The following EXOSC5 variants were observed in gnomAD, a reference collection of about 807,000 sequenced individuals.
EXOSC5 encodes exosome component 5.
EXOSC5 carries 15 observed loss-of-function variants against 23.7 expected under a neutral mutation model. That is an observed-to-expected ratio of 0.63 (90% CI 0.42 to 0.97). EXOSC5 has a LOEUF of 0.97. Ranked by LOEUF, EXOSC5 falls within the 50% of genes least tolerant of loss-of-function variation. EXOSC5 has a pLI of 0.00. For missense variants in EXOSC5, 305 were observed against 316.3 expected (o/e 0.96, Z 0.27); for synonymous variants, 143 against 140.9 (o/e 1.02, Z -0.11).
rs1380398179 is a variant in EXOSC5 at position 41,386,456 on chromosome 19, C to G, written c.*177G>C. ...TTATCCTTGCTGGGGGGATCTGTGC[C>G]CCCAGGCCTGGGGGCTGTCACAGGC... On this transcript the variant is annotated 3_prime_UTR_variant, in exon 6 of 6. Transcript: ENST00000221233. 9 of 573,026 alleles carry G rather than the reference C, an allele frequency of 1.6e-5. No individual in the cohort carries two copies. The highest frequency in any genetic ancestry group is 2.5e-5 in the Non-Finnish European group (8 of 321,762). 35.5% of individuals were successfully genotyped at this position (573,026 alleles called of 1,614,324 possible). A position where few individuals can be genotyped will look rare whatever the true frequency, so the allele number is the denominator to read the frequency against.
intron 2 of EXOSC5, 65 bp downstream of exon 2, chr19:41,392,802 G>A: frequency 6.8e-7 from 1 of 1,469,928 alleles, no homozygotes; most frequent in South Asian, 1.2e-5. Context: ...AGCTGGTAGG[G>A]AGGAGCTGGG....
chr19:41,395,180 G>A (rs112602983), intron 1 of EXOSC5, among the ~76,000 whole-genome samples: 4 of 152,194 alleles, frequency 2.6e-5, no homozygotes, highest in Non-Finnish European at 4.4e-5. Context: ...CAGCATAAGC[G>A]CTAAGCCTGA....
At chr19:41,396,004 T>C (rs2039059833) in intron 1 of EXOSC5, among the ~76,000 whole-genome samples, 1 of 152,114 alleles carries the variant, frequency 6.6e-6, no homozygotes, top group Non-Finnish European at 1.5e-5. Context: ...CAGAATCTCA[T>C]CACCTCCACT....
At chr19:41,388,174 G>A (rs1405333330) in intron 4 of EXOSC5, among the ~76,000 whole-genome samples, 1 of 152,232 alleles carries the variant, frequency 6.6e-6, no homozygotes, top group South Asian at 2.1e-4. Flanking sequence ...CCAACCACGT[G>A]GTTCTGACAG....
At position 41,387,505 on chromosome 19, in the gene EXOSC5, T is replaced by C; in HGVS notation, c.615+9A>G. The C allele has an allele frequency of 6.3e-7, 1 of 1,588,308 alleles. No homozygotes were observed. On this transcript the variant is annotated intron_variant, in intron 5 of 5. Transcript: ENST00000221233. ...GTTCTGGCTTTTCCCCTCATCCCCA[T>C]GCTGGTACCTCAGTGTCTGAGTAGA...
At chr19:41,389,042 T>C (rs76832120) in intron 4 of EXOSC5, among the ~76,000 whole-genome samples, 4,836 of 152,130 alleles carry the variant, frequency 0.032, 241 homozygotes, top group African/African-American at 0.11. Context: ...ACCCTCCAGG[T>C]TTAAGTGATT....
chr19:41,389,727 G>T, intron 4 of EXOSC5, 38 bp downstream of exon 4: 1 of 1,601,754 alleles, frequency 6.2e-7, no homozygotes, highest in African/African-American at 1.3e-5. Context: ...GCAGCTGTCT[G>T]GCCTCTGCCC....
chr19:41,391,791 G>A, intron 3 of EXOSC5, 50 bp downstream of exon 3: 2 of 1,470,600 alleles, frequency 1.4e-6, no homozygotes, highest in Non-Finnish European at 1.8e-6. Context: ...CCGCCAGGAG[G>A]GAAGCAATCA....
intron 1 of EXOSC5, among the ~76,000 whole-genome samples, chr19:41,394,204 C>T (rs1012252448): frequency 2.0e-5 from 3 of 151,674 alleles, no homozygotes; most frequent in African/African-American, 4.8e-5. Context: ...ATGGTGAAAC[C>T]CTATCTCTAC....
intron 1 of EXOSC5, among the ~76,000 whole-genome samples, chr19:41,396,278 C>T (rs1040104917): frequency 5.9e-5 from 9 of 151,922 alleles, no homozygotes; most frequent in Admixed American, 3.3e-4. Flanking sequence ...GGCACGATCT[C>T]GGCCCACTGC....
At position 41,391,891 on chromosome 19, in the gene EXOSC5, G is replaced by A; in HGVS notation, c.334C>T (p.Pro112Ser). Residue 112 changes from proline (P) to serine (S), a missense_variant, in exon 3 of 6, where the codon CCC (proline) becomes TCC (serine). By Grantham distance (74) the Pro-to-Ser change is moderately conservative. Transcript: ENST00000221233. ...AGCACCACGGTGATGGAGGTGCGGG[G>A]GTGCAACGTGCCCAGCACCACCGCC... ...CEAVVLGTLH[P>S]RTSITVVLQV... The A allele has an allele frequency of 2.6e-6, 4 of 1,564,054 alleles. No individual in the cohort carries two copies. Among genetic ancestry groups the A allele is most frequent in the Non-Finnish European group, 3.4e-6 (4 of 1,161,326 alleles).
intron 5 of EXOSC5, among the ~76,000 whole-genome samples, chr19:41,387,241 C>T (rs2038991033): frequency 1.3e-5 from 2 of 152,202 alleles, no homozygotes; most frequent in South Asian, 4.1e-4. Context: ...TCCCATGGCT[C>T]ACCACTCTGA....
At chr19:41,396,531 G>A (rs1047112607) in intron 1 of EXOSC5, among the ~76,000 whole-genome samples, 8 of 151,686 alleles carry the variant, frequency 5.3e-5, no homozygotes, top group African/African-American at 4.8e-5. Flanking sequence ...ACGTTAAAGA[G>A]AAATATTCTT....
At chr19:41,390,275 A>T (rs2039014499) in intron 3 of EXOSC5, among the ~76,000 whole-genome samples, 1 of 152,130 alleles carries the variant, frequency 6.6e-6, no homozygotes, top group Non-Finnish European at 1.5e-5. Flanking sequence ...GAGCAGATCC[A>T]TGCCTCCCTC....
At chr19:41,390,348 G>A (rs1297854071) in intron 3 of EXOSC5, among the ~76,000 whole-genome samples, 2 of 152,226 alleles carry the variant, frequency 1.3e-5, no homozygotes, top group African/African-American at 4.8e-5. Flanking sequence ...ATGGCAGAGT[G>A]GTTAAAAGTG....
rs981471615 is a variant in EXOSC5 at position 41,387,487 on chromosome 19, C to G, written c.615+27G>C. 1.9e-6 allele frequency: 3 copies of G among 1,553,486 alleles called. No homozygotes were observed. The African/African-American group carries it at 4.1e-5, about 21-fold the overall frequency. On this transcript the variant is annotated intron_variant, in intron 5 of 5. Transcript: ENST00000221233. ...ATGTCAGTGGGAAGGAAGGTTCTGGCTTTTCCCCTCATCCCCATGCTGGTA... is the reference window on the plus strand; with the variant it reads ...ATGTCAGTGGGAAGGAAGGTTCTGGGTTTTCCCCTCATCCCCATGCTGGTA...
At chr19:41,392,103 C>T in intron 2 of EXOSC5, 141 bp from the exon 3 acceptor site, 2 of 1,292,982 alleles carry the variant, frequency 1.5e-6, no homozygotes, top group South Asian at 1.5e-5. Flanking sequence ...TGGAAGATTC[C>T]AGTGGGAAGA....
In EXOSC5 at chr19:41,394,905, G is replaced by A. The variant is rs144904590; in HGVS notation, c.149-1925C>T. 1.2e-4 allele frequency among the ~76,000 whole-genome samples: 19 copies of A among 152,038 alleles called. No homozygotes were observed. The East Asian group carries it at 3.5e-3, about 28-fold the overall frequency. On this transcript the variant is annotated intron_variant, in intron 1 of 5. Coordinates refer to ENST00000221233, the MANE Select transcript of EXOSC5 (RefSeq NM_020158.4). Reference sequence around the variant, plus strand: ...AAAAATTAGCCGGGCGCGGTGGCACGCACCTGTGGTCCCAGCTACTCAGGA... The same window carrying A: ...AAAAATTAGCCGGGCGCGGTGGCACACACCTGTGGTCCCAGCTACTCAGGA...
rs374090739 is a variant in EXOSC5 at position 41,389,190 on chromosome 19, C to T, written c.525+575G>A. On this transcript the variant is annotated intron_variant, in intron 4 of 5. Transcript: ENST00000221233. Reference sequence around the variant, plus strand: ...TCAACTCCCAGCCTCAGGTGATCTGCCTGCCTCAGACTCCCAAAGTGCTGG... The same window carrying T: ...TCAACTCCCAGCCTCAGGTGATCTGTCTGCCTCAGACTCCCAAAGTGCTGG... 1.8e-4 allele frequency among the ~76,000 whole-genome samples: 28 copies of T among 152,318 alleles called. No homozygotes were observed. In the East Asian group the frequency reaches 4.4e-3, roughly 24 times the overall value.
Sources: gnomAD v4.1 joint callset for allele counts (sites outside exome capture counted in the v4.1 genomes callset) on GRCh38, gnomAD v4.1.1 for gene constraint, MANE v1.5 for transcripts, NCBI Gene and HGNC (gene_info 2026-07-23, HGNC 2026-07-21) for gene names.